The following PEX2 variants were observed in gnomAD, a reference collection of about 807,000 sequenced individuals.
PEX2 encodes the protein peroxisomal biogenesis factor 2.
In PEX2, 19 loss-of-function variants were observed where a neutral mutation model predicts 25.2. The ratio of observed to expected loss-of-function variants is 0.75; its 90% CI spans 0.53 to 1.10. The LOEUF (loss-of-function observed/expected upper bound fraction) is 1.10. Ranked by LOEUF, PEX2 falls within the 50% of genes least tolerant of loss-of-function variation. PEX2 has a pLI of 0.00. For synonymous variants in PEX2, 141 were observed against 127.7 expected, an observed-to-expected ratio of 1.10 and a Z score of -0.70; for missense variants, 347 against 350.6, an observed-to-expected ratio of 0.99 and a Z score of 0.08.
At chr8:76,988,826 C>A (rs1006358653) in intron 1 of PEX2, among the ~76,000 whole-genome samples, 1 of 152,060 alleles carries the variant, frequency 6.6e-6, no homozygotes, top group African/African-American at 2.4e-5. Context: ...CCTTTGCTAT[C>A]TTTTCAACAA....
intron 1 of PEX2, among the ~76,000 whole-genome samples, chr8:76,989,131 A>C (rs958513858): frequency 6.6e-6 from 1 of 151,610 alleles, no homozygotes; most frequent in Non-Finnish European, 1.5e-5. Context: ...CAGTGAGCTG[A>C]CTGTGCTGTT....
rs1806781987 is a variant in PEX2 at position 76,980,435 on chromosome 8, A to C, written c.*2826T>G. 6.6e-6 allele frequency: 1 copy of C among 152,234 alleles called. No individual in the cohort carries two copies. Among genetic ancestry groups the C allele is most frequent in the African/African-American group, 2.4e-5 (1 of 41,460 alleles). 9.4% of individuals were successfully genotyped at this position (152,234 alleles called of 1,614,324 possible). A position where few individuals can be genotyped will look rare whatever the true frequency, so the allele number is the denominator to read the frequency against. ...CTCTAACTAGTAGAGATCTGCCAGC[A>C]TCCACCCTTCTAAGAACACCTCAGT... On this transcript the variant is annotated 3_prime_UTR_variant, in exon 4 of 4. Transcript: ENST00000357039.
In PEX2 at chr8:77,000,052, T is replaced by G. The variant is rs934088566; in HGVS notation, c.-222A>C. 16 of 436,742 alleles carry G rather than the reference T, an allele frequency of 3.7e-5. No individual in the cohort carries two copies. The highest frequency in any genetic ancestry group is 3.2e-4 in the Admixed American group (13 of 40,032). The allele number at this position is 436,742 out of a possible 1,614,324, so 27.1% of individuals were successfully genotyped here. A position where few individuals can be genotyped will look rare whatever the true frequency, so the allele number is the denominator to read the frequency against. ...TTCTCTGAAACATTCTCTGGAAAGC[T>G]TGTCTTTTCCTAGCCGAATCTGGAT... On this transcript the variant is annotated 5_prime_UTR_variant, in exon 1 of 4. Coordinates refer to ENST00000357039, the MANE Select transcript of PEX2 (RefSeq NM_000318.3).
rs1001162005 is a variant in PEX2 at position 76,984,233 on chromosome 8, T to C, written c.-17-38A>G. ...ACAATTGAAGAACATTAGCAAAGAG[T>C]TGCAATCTTGTACAACCTCCTCAAC... is the stretch of plus-strand genomic sequence containing the variant. On this transcript the variant is annotated intron_variant, in intron 3 of 3. Transcript: ENST00000357039. 10 of 1,544,386 alleles carry C rather than the reference T, an allele frequency of 6.5e-6. No individual in the cohort carries two copies. The East Asian group carries it at 1.1e-4, about 17-fold the overall frequency.
At chr8:76,991,929 C>T (rs1291208923) in intron 1 of PEX2, among the ~76,000 whole-genome samples, 1 of 152,142 alleles carries the variant, frequency 6.6e-6, no homozygotes, top group Admixed American at 6.5e-5. Flanking sequence ...GTAACAGGCC[C>T]CAAACTAATT....
At chr8:76,988,990 A>G (rs1328995343) in intron 1 of PEX2, among the ~76,000 whole-genome samples, 1 of 132,020 alleles carries the variant, frequency 7.6e-6, no homozygotes, top group East Asian at 2.3e-4. Context: ...ACAGGGAGAC[A>G]CTGTCTCTAC....
At chr8:76,992,611 G>A (rs1006149656) in intron 1 of PEX2, among the ~76,000 whole-genome samples, 2 of 152,144 alleles carry the variant, frequency 1.3e-5, no homozygotes, top group Admixed American at 6.5e-5. Flanking sequence ...TAGGTATGAA[G>A]CATAAATGCC....
At chr8:76,999,563 T>A (rs1030364193) in intron 1 of PEX2, among the ~76,000 whole-genome samples, 1 of 152,082 alleles carries the variant, frequency 6.6e-6, no homozygotes, top group Non-Finnish European at 1.5e-5. Flanking sequence ...AACTAAGCAC[T>A]CAAATTTTTT....
chr8:76,982,214 A>T lies in PEX2; in HGVS notation c.*1047T>A, dbSNP rs886063133. On this transcript the variant is annotated 3_prime_UTR_variant, in exon 4 of 4. Coordinates refer to ENST00000357039, the MANE Select transcript of PEX2 (RefSeq NM_000318.3). The stretch of plus-strand genomic sequence containing the variant: ...TACTTTTAAGTAAAAAAAGGCAGAG[A>T]AAAAGAGTGAAGGATACAGAATTAT... 6.6e-6 allele frequency: 1 copy of T among 152,216 alleles called. No homozygotes were observed. The highest frequency in any genetic ancestry group is 2.1e-4 in the South Asian group (1 of 4,830). 9.4% of individuals were successfully genotyped at this position (152,216 alleles called of 1,614,324 possible).
chr8:76,999,924 C>A (rs1169221861), intron 1 of PEX2, 66 bp downstream of exon 1: 1 of 456,526 alleles, frequency 2.2e-6, no homozygotes, highest in Non-Finnish European at 4.4e-6. Context: ...TCGTGAAACT[C>A]CACGACCTCC....
Position 76,983,522 on chromosome 8 carries a change from C to T in PEX2, c.657G>A (p.Lys219=). The change falls in exon 4 of 4, where the codon AAG becomes AAA. Residue 219 remains lysine (K), a synonymous_variant. Coordinates refer to ENST00000357039, the MANE Select transcript of PEX2 (RefSeq NM_000318.3). ...PLINVQKLKA[K]LSSWCIPLTG... is the part of the protein sequence containing the mutation. ...TAAGAGGAATACACCATGAAGACAG[C>T]TTGGCTTTCAACTTCTGGACATTGA... 6.2e-7 allele frequency: 1 copy of T among 1,614,024 alleles called. No individual in the cohort carries two copies. The highest frequency in any genetic ancestry group is 8.5e-7 in the Non-Finnish European group (1 of 1,180,014).
At position 76,983,474 on chromosome 8, in the gene PEX2, A is replaced by T. The variant is rs747222660; in HGVS notation, c.705T>A (p.Asn235Lys). The T allele has an allele frequency of 2.4e-5, 38 of 1,614,008 alleles. No homozygotes were observed. Among genetic ancestry groups the T allele is most frequent in the Non-Finnish European group, 3.1e-5 (36 of 1,180,018 alleles). Residue 235 changes from asparagine (N) to lysine (K), a missense_variant, in exon 4 of 4, where the codon AAT becomes AAA. Coordinates refer to ENST00000357039, the MANE Select transcript of PEX2 (RefSeq NM_000318.3). The part of the protein sequence containing the change: ...IPLTGAPNSD[N>K]TLATSGKECA... ...ATTCTTTGCCACTGGTGGCTAATGT[A>T]TTGTCACTATTAGGTGCACCAGTAA...
chr8:76,981,891 T>C lies in PEX2; in HGVS notation c.*1370A>G, dbSNP rs886063131. ...AACTTCTTCAGTATCTTACACTAAA[T>C]TGAACCTAAATTAAACTTACAGTTC... On this transcript the variant is annotated 3_prime_UTR_variant, in exon 4 of 4. Coordinates refer to ENST00000357039, the MANE Select transcript of PEX2 (RefSeq NM_000318.3). The C allele has an allele frequency of 7.9e-5, 12 of 152,218 alleles. No individual in the cohort carries two copies. The highest frequency in any genetic ancestry group is 1.4e-4 in the African/African-American group (6 of 41,456). 9.4% of individuals were successfully genotyped at this position (152,218 alleles called of 1,614,324 possible).
At chr8:77,000,163 G>T (rs1053881257), upstream of PEX2, 4 of 330,730 alleles carry the variant, frequency 1.2e-5, no homozygotes, top group East Asian at 1.8e-4. Context: ...TTACACCAAC[G>T]AGAACTGCGC....
At chr8:76,987,048 C>T (rs1807024739) in intron 2 of PEX2, among the ~76,000 whole-genome samples, 1 of 152,046 alleles carries the variant, frequency 6.6e-6, no homozygotes, top group South Asian at 2.1e-4. Flanking sequence ...TTCAAATTAC[C>T]ATATCCAGAA....
At chr8:76,988,743 C>A (rs1395746076) in intron 1 of PEX2, among the ~76,000 whole-genome samples, 3 of 152,180 alleles carry the variant, frequency 2.0e-5, no homozygotes, top group Non-Finnish European at 4.4e-5. Context: ...AGTAAACCTT[C>A]TTTCAAAACT....
chr8:76,991,656 T>G (rs1807172724), intron 1 of PEX2, among the ~76,000 whole-genome samples: 1 of 152,218 alleles, frequency 6.6e-6, no homozygotes, highest in Admixed American at 6.5e-5. Flanking sequence ...TCTACATTCT[T>G]CTTTAGGCAT....
Position 76,981,961 on chromosome 8 carries a change from C to T in PEX2, c.*1300G>A, listed in dbSNP as rs903040099. 1.3e-5 allele frequency: 2 copies of T among 152,144 alleles called. No homozygotes were observed. Among genetic ancestry groups the T allele is most frequent in the Admixed American group, 6.5e-5 (1 of 15,286 alleles). 9.4% of individuals were successfully genotyped at this position (152,144 alleles called of 1,614,324 possible). A position where few individuals can be genotyped will look rare whatever the true frequency, so the allele number is the denominator to read the frequency against. ...ACTCCATGAAGGTAACTTGATTTTT[C>T]CTGCTTAATATACTGTTGTGCCTCT... On this transcript the variant is annotated 3_prime_UTR_variant, in exon 4 of 4. Coordinates refer to ENST00000357039, the MANE Select transcript of PEX2 (RefSeq NM_000318.3).
At chr8:76,993,270 G>A (rs571375407) in intron 1 of PEX2, among the ~76,000 whole-genome samples, 5 of 152,200 alleles carry the variant, frequency 3.3e-5, no homozygotes, top group East Asian at 1.9e-4. Context: ...TTAATCTGAC[G>A]GCAGAGTTCA....
Sources: allele counts gnomAD v4.1 joint callset (sites outside exome capture counted in the v4.1 genomes callset), GRCh38; gene constraint gnomAD v4.1.1; transcripts MANE v1.5; gene names NCBI Gene and HGNC (gene_info 2026-07-23, HGNC 2026-07-21).